Variants in NDUFB5 observed in about 807,000 individuals in gnomAD.
NDUFB5 encodes NADH dehydrogenase [ubiquinone] 1 beta subcomplex subunit 5, mitochondrial.
A neutral mutation model predicts 19.4 loss-of-function variants in NDUFB5; 19 were observed. That is an observed-to-expected ratio of 0.98 (90% CI 0.68 to 1.43). The LOEUF (loss-of-function observed/expected upper bound fraction) is 1.43, where lower values mean the gene tolerates loss of function less well. Ranked by LOEUF, NDUFB5 falls within the 40% of genes most tolerant of loss-of-function variation. The pLI, the probability that NDUFB5 is intolerant of heterozygous loss-of-function variation, is 0.00. For synonymous variants in NDUFB5, 80 were observed against 82.6 expected (o/e 0.97, Z 0.17); for missense variants, 233 against 236.5 (o/e 0.99, Z 0.10).
chr3:179,607,725 T>C (rs1163033396), intron 1 of NDUFB5: 2 of 701,298 alleles, frequency 2.9e-6, no homozygotes, highest in Non-Finnish European at 5.2e-6. Context: ...CTGTATCCGT[T>C]AAACAATAAC....
At chr3:179,622,650 G>A (rs905644556) in intron 5 of NDUFB5, among the ~76,000 whole-genome samples, 2 of 151,914 alleles carry the variant, frequency 1.3e-5, no homozygotes, top group African/African-American at 2.4e-5. Context: ...TTTTAATTAC[G>A]GTTTGGATAG....
chr3:179,617,169 G>A (rs1260358901), intron 4 of NDUFB5, 125 bp downstream of exon 4: 21 of 656,940 alleles, frequency 3.2e-5, no homozygotes, highest in Admixed American at 6.3e-5. Flanking sequence ...ACAGCATCTC[G>A]CTCTGTTGCC....
intron 1 of NDUFB5, among the ~76,000 whole-genome samples, chr3:179,605,900 T>C (rs568510080): frequency 4.3e-4 from 66 of 151,884 alleles, no homozygotes; most frequent in Non-Finnish European, 8.7e-4. Context: ...CAAGCGATTC[T>C]CCCGCCTCAG....
Position 179,616,060 on chromosome 3 carries a change from TC to T in NDUFB5, c.280+13del, listed in dbSNP as rs765273415. ...TGAATGTATTCATTGGTAAGTCACT[TC>T]CATCCCCTGCCAGCACCACCAGATT... is the stretch of plus-strand genomic sequence containing the variant. On this transcript the variant is annotated intron_variant, in intron 3 of 5. Coordinates refer to ENST00000259037, the MANE Select transcript of NDUFB5 (RefSeq NM_002492.4). The T allele has an allele frequency of 6.2e-7, 1 of 1,609,802 alleles. No homozygotes were observed.
At position 179,624,585 on chromosome 3, in the gene NDUFB5, ACACACAC is replaced by A; in HGVS notation, c.*546_*552del. 1 of 150,702 alleles carries A rather than the reference ACACACAC, an allele frequency of 6.6e-6. No homozygotes were observed. The highest frequency in any genetic ancestry group is 1.5e-5 in the Non-Finnish European group (1 of 68,018). 9.3% of individuals were successfully genotyped at this position (150,702 alleles called of 1,614,324 possible). On this transcript the variant is annotated 3_prime_UTR_variant, in exon 6 of 6. Coordinates refer to ENST00000259037, the MANE Select transcript of NDUFB5 (RefSeq NM_002492.4). ...CACACAGACACGTACACACACACACACACACACACACACACACACGCTCTTTTCCTAG... is the reference window on the plus strand; with the variant it reads ...CACACAGACACGTACACACACACACAACACACACACACGCTCTTTTCCTAG...
At chr3:179,615,434 AT>A in intron 2 of NDUFB5, 1 of 274,438 alleles carries the variant, frequency 3.6e-6, no homozygotes, top group Non-Finnish European at 7.4e-6. Context: ...ATGATTTTAT[AT>A]TTATATGTTG....
chr3:179,607,029 C>G (rs535406589), intron 1 of NDUFB5, among the ~76,000 whole-genome samples: 1 of 152,332 alleles, frequency 6.6e-6, no homozygotes, highest in South Asian at 2.1e-4. Context: ...AATACTCGCT[C>G]TGGTAGTATT....
At chr3:179,617,695 C>G (rs1437705909) in intron 4 of NDUFB5, among the ~76,000 whole-genome samples, 1 of 152,126 alleles carries the variant, frequency 6.6e-6, no homozygotes, top group Non-Finnish European at 1.5e-5. Flanking sequence ...AGGTACTGTG[C>G]TGAGTGTTTT....
chr3:179,615,970 T>G lies in NDUFB5; in HGVS notation c.214-13T>G, dbSNP rs751876558. On this transcript the variant is annotated splice_polypyrimidine_tract_variant and intron_variant, in intron 2 of 5. Transcript: ENST00000259037. ...CGAAATGGTCATGAGAAACACTTTTTTTTTTATCTTAGAGATTCTACATTG... is the reference window on the plus strand; with the variant it reads ...CGAAATGGTCATGAGAAACACTTTTGTTTTTATCTTAGAGATTCTACATTG... 1 of 1,602,930 alleles carries G rather than the reference T, an allele frequency of 6.2e-7. No individual in the cohort carries two copies. The highest frequency in any genetic ancestry group is 1.3e-5 in the African/African-American group (1 of 74,598).
intron 1 of NDUFB5, among the ~76,000 whole-genome samples, chr3:179,608,451 C>T (rs1719160192): frequency 6.6e-6 from 1 of 152,050 alleles, no homozygotes; most frequent in African/African-American, 2.4e-5. Context: ...CCTTGGCCTC[C>T]CAAAGTGCTG....
chr3:179,606,880 G>A (rs1297223703), intron 1 of NDUFB5, among the ~76,000 whole-genome samples: 1 of 152,214 alleles, frequency 6.6e-6, no homozygotes, highest in African/African-American at 2.4e-5. Flanking sequence ...CTGGAAACAT[G>A]ATGCAAAGAA....
intron 1 of NDUFB5, among the ~76,000 whole-genome samples, chr3:179,612,037 A>G (rs1006194096): frequency 3.4e-5 from 5 of 148,850 alleles, no homozygotes; most frequent in African/African-American, 1.2e-4. Flanking sequence ...CTGACCTCAA[A>G]CTCCTGGGCT....
At chr3:179,612,144 T>A (rs975290519) in intron 1 of NDUFB5, among the ~76,000 whole-genome samples, 3 of 151,930 alleles carry the variant, frequency 2.0e-5, no homozygotes, top group Non-Finnish European at 4.4e-5. Context: ...TTTAAGCAGA[T>A]GGCCCTACTA....
chr3:179,619,401 C>T (rs1426114770), intron 5 of NDUFB5, among the ~76,000 whole-genome samples: 1 of 151,384 alleles, frequency 6.6e-6, no homozygotes, highest in Non-Finnish European at 1.5e-5. Context: ...CTTCCTGTGT[C>T]CATGTGTTCT....
chr3:179,623,346 C>T (rs562712223), intron 5 of NDUFB5, among the ~76,000 whole-genome samples: 17 of 152,320 alleles, frequency 1.1e-4, no homozygotes, highest in Non-Finnish European at 2.4e-4. Context: ...GGAGAGAATT[C>T]GCTATCAATT....
intron 1 of NDUFB5, among the ~76,000 whole-genome samples, chr3:179,612,108 C>T (rs1298613563): frequency 6.6e-6 from 1 of 151,940 alleles, no homozygotes; most frequent in Non-Finnish European, 1.5e-5. Flanking sequence ...CACCACCATT[C>T]CTGGTTACAC....
chr3:179,605,063 AC>A (rs1719044618), intron 1 of NDUFB5, 124 bp downstream of exon 1: 1 of 1,335,290 alleles, frequency 7.5e-7, no homozygotes, highest in African/African-American at 1.5e-5. Context: ...TTGGGGCTTG[AC>A]AGGAGAGACG....
intron 5 of NDUFB5, among the ~76,000 whole-genome samples, chr3:179,619,195 T>C (rs1051503753): frequency 1.2e-4 from 8 of 66,146 alleles, no homozygotes; most frequent in Non-Finnish European, 2.0e-4. Flanking sequence ...GCTGAGTGCC[T>C]GTTTTTTTTT....
At chr3:179,614,933 T>G (rs757759259) in intron 1 of NDUFB5, 38 bp from the exon 2 acceptor site, 61 of 1,394,896 alleles carry the variant, frequency 4.4e-5, no homozygotes, top group Non-Finnish European at 6.0e-5. Context: ...TATACCCATA[T>G]GAACCTTGTA....
Sources: allele counts gnomAD v4.1 joint callset (sites outside exome capture counted in the v4.1 genomes callset), GRCh38; gene constraint gnomAD v4.1.1; transcripts MANE v1.5; gene names NCBI Gene and HGNC (gene_info 2026-07-23, HGNC 2026-07-21).